The following CADPS2 variants were observed in gnomAD, a reference collection of about 807,000 sequenced individuals.
The protein encoded by CADPS2 is calcium dependent secretion activator 2.
A neutral mutation model predicts 172.5 loss-of-function variants in CADPS2; 93 were observed. The observed-to-expected ratio is 0.54, with a 90% CI of 0.46 to 0.64. The LOEUF (loss-of-function observed/expected upper bound fraction) is 0.64, where lower values mean the gene tolerates loss of function less well. CADPS2 is among the 30% of genes least tolerant of loss of function. The pLI, the probability that CADPS2 is intolerant of heterozygous loss-of-function variation, is 0.00. For missense variants in CADPS2, 1,420 were observed against 1,565.9 expected (o/e 0.91, Z 1.57); for synonymous variants, 546 against 555.2 (o/e 0.98, Z 0.23).
chr7:122,750,517 G>A (rs12535500), intron 1 of CADPS2, among the ~76,000 whole-genome samples: 2,417 of 151,996 alleles, frequency 0.016, 24 homozygotes, highest in Non-Finnish European at 0.025. Context: ...TTGTCTCTTA[G>A]GACTTAATAA....
At chr7:122,779,934 G>A (rs1792242195) in intron 1 of CADPS2, among the ~76,000 whole-genome samples, 1 of 152,118 alleles carries the variant, frequency 6.6e-6, no homozygotes, top group Non-Finnish European at 1.5e-5. Context: ...AGTCAGCTCT[G>A]ATGGGCATTT....
At chr7:122,830,012 A>G (rs937204134) in intron 1 of CADPS2, among the ~76,000 whole-genome samples, 9 of 132,760 alleles carry the variant, frequency 6.8e-5, no homozygotes, top group African/African-American at 2.9e-4. Context: ...TTATACCACA[A>G]TATCATATTA....
intron 6 of CADPS2, among the ~76,000 whole-genome samples, chr7:122,590,037 G>A (rs2070514645): frequency 6.6e-6 from 1 of 151,766 alleles, no homozygotes; most frequent in South Asian, 2.1e-4. Context: ...TTTGCACTAT[G>A]CAAAATGACC....
At chr7:122,609,682 G>A (rs2074050459) in intron 6 of CADPS2, among the ~76,000 whole-genome samples, 1 of 152,180 alleles carries the variant, frequency 6.6e-6, no homozygotes, top group South Asian at 2.1e-4. Context: ...CTCACACGCT[G>A]TTTCCTCCTA....
At chr7:122,381,740 A>T (rs73717646) in intron 24 of CADPS2, among the ~76,000 whole-genome samples, 2 of 152,128 alleles carry the variant, frequency 1.3e-5, no homozygotes, top group African/African-American at 4.8e-5. Context: ...AGAGACAAAG[A>T]GAAAAAGAGG....
intron 1 of CADPS2, among the ~76,000 whole-genome samples, chr7:122,755,355 G>A (rs1284839173): frequency 1.3e-5 from 2 of 152,120 alleles, no homozygotes; most frequent in African/African-American, 2.4e-5. Flanking sequence ...ATAACTACCA[G>A]ACTGAACTAA....
intron 1 of CADPS2, among the ~76,000 whole-genome samples, chr7:122,739,376 G>A (rs897965567): frequency 4.0e-5 from 6 of 151,810 alleles, no homozygotes; most frequent in Admixed American, 3.9e-4. Flanking sequence ...TATCTTTTTT[G>A]TTCTTTAAAA....
intron 25 of CADPS2, among the ~76,000 whole-genome samples, chr7:122,369,384 GC>G (rs1411631945): frequency 6.6e-6 from 1 of 152,012 alleles, no homozygotes; most frequent in Non-Finnish European, 1.5e-5. Flanking sequence ...GCCTGCCTCA[GC>G]CTCCCAAAGT....
At chr7:122,424,805 T>C (rs1275966536) in intron 17 of CADPS2, among the ~76,000 whole-genome samples, 1 of 152,092 alleles carries the variant, frequency 6.6e-6, no homozygotes, top group African/African-American at 2.4e-5. Context: ...GACGAATATA[T>C]CTACAGCATT....
At chr7:122,471,254 TCCTTGTAAGAAGTGTTTGC>T in intron 14 of CADPS2, 102 bp downstream of exon 14, 1 of 643,502 alleles carries the variant, frequency 1.6e-6, no homozygotes. Flanking sequence ...TTTTTTTTTT[TCCTTGTAAGAAGTGTTTGC>T]TATTTACAAT....
At chr7:122,364,874 C>T (rs1328606462) in intron 25 of CADPS2, among the ~76,000 whole-genome samples, 1 of 152,126 alleles carries the variant, frequency 6.6e-6, no homozygotes, top group Non-Finnish European at 1.5e-5. Context: ...CATAACTGCA[C>T]ATGACACAAG....
intron 17 of CADPS2, among the ~76,000 whole-genome samples, chr7:122,432,644 A>AAAAT (rs1491331539): frequency 4.1e-5 from 2 of 48,490 alleles, no homozygotes; most frequent in African/African-American, 1.5e-4. Context: ...CTGTTAAAAT[A>AAAAT]AAAAAAAAAA....
At chr7:122,604,952 T>C (rs759018521) in intron 6 of CADPS2, among the ~76,000 whole-genome samples, 1 of 152,048 alleles carries the variant, frequency 6.6e-6, no homozygotes, top group Non-Finnish European at 1.5e-5. Flanking sequence ...TATACAAACC[T>C]AGGCAGTATG....
At chr7:122,357,000 C>T (rs1417611501) in intron 27 of CADPS2, among the ~76,000 whole-genome samples, 5 of 152,160 alleles carry the variant, frequency 3.3e-5, no homozygotes, top group Admixed American at 2.6e-4. Flanking sequence ...TTTCTAGGCT[C>T]TCTGAGCTAA....
intron 25 of CADPS2, 45 bp from the exon 26 acceptor site, chr7:122,361,058 C>A: frequency 6.8e-7 from 1 of 1,463,108 alleles, no homozygotes; most frequent in South Asian, 1.2e-5. Flanking sequence ...ACTATGCATA[C>A]AAACTAATAG....
chr7:122,727,194 G>T (rs899435560), intron 2 of CADPS2, among the ~76,000 whole-genome samples: 1 of 151,914 alleles, frequency 6.6e-6, no homozygotes, highest in African/African-American at 2.4e-5. Context: ...CTGAACTGGG[G>T]TGCCAGTTTA....
chr7:122,393,708 A>G, intron 20 of CADPS2, 126 bp from the exon 21 acceptor site: 1 of 896,856 alleles, frequency 1.1e-6, no homozygotes, highest in Non-Finnish European at 1.7e-6. Context: ...TGCAGATGAG[A>G]GTAGATCATA....
rs553767334 is a variant in CADPS2, at chr7:122,716,800, C to T, written c.453+20155G>A. On this transcript the variant is annotated intron_variant, in intron 2 of 29. Transcript: ENST00000449022. ...AGAGTGCGACCAAGGGGCACTGACT[C>T]TGCTAATATGGTGGTTCTTGGGAGG... Among the ~76,000 whole-genome samples, 7 of 152,192 alleles carry T rather than the reference C, an allele frequency of 4.6e-5. No homozygotes were observed. The East Asian group carries it at 1.4e-3, about 30-fold the overall frequency.
intron 17 of CADPS2, among the ~76,000 whole-genome samples, chr7:122,429,535 G>C (rs1159458480): frequency 6.6e-6 from 1 of 151,986 alleles, no homozygotes; most frequent in Non-Finnish European, 1.5e-5. Context: ...AGCAGAAATG[G>C]TCACAGAGGT....
Sources: allele counts gnomAD v4.1 joint callset (sites outside exome capture counted in the v4.1 genomes callset), GRCh38; gene constraint gnomAD v4.1.1; transcripts MANE v1.5; gene names NCBI Gene and HGNC (gene_info 2026-07-23, HGNC 2026-07-21).